RHOU: variants seen among roughly 807,000 people sequenced by gnomAD.
RHOU encodes the protein ras homolog family member U.
A neutral mutation model predicts 12.6 loss-of-function variants in RHOU; 8 were observed. The ratio of observed to expected loss-of-function variants is 0.64; its 90% confidence interval spans 0.37 to 1.15. The LOEUF (loss-of-function observed/expected upper bound fraction) is 1.15. Ranked by LOEUF, RHOU falls within the 50% of genes most tolerant of loss-of-function variation. The pLI, the probability that RHOU is intolerant of heterozygous loss-of-function variation, is 0.01. For missense variants in RHOU, 258 were observed against 347.0 expected (o/e 0.74, Z 2.04); for synonymous variants, 161 against 147.4 (o/e 1.09, Z -0.67).
the RHOU span, among the ~76,000 whole-genome samples, chr1:228,649,552 G>A: frequency 3.3e-5 from 5 of 152,188 alleles, no homozygotes; most frequent in Non-Finnish European, 7.3e-5. Context: ...TCATTTTGAA[G>A]TATTTTGATT....
chr1:228,732,825 G>GA (rs963687157), upstream of RHOU, among the ~76,000 whole-genome samples: 27 of 150,186 alleles, frequency 1.8e-4, no homozygotes, highest in African/African-American at 3.7e-4. Context: ...ACTTCATTAA[G>GA]AAAAAAAAAT....
the RHOU span, among the ~76,000 whole-genome samples, chr1:228,692,427 G>T: frequency 6.6e-6 from 1 of 152,004 alleles, no homozygotes; most frequent in Non-Finnish European, 1.5e-5. Flanking sequence ...GCCATTAAAA[G>T]ATCACAGAAG....
At chr1:228,650,917 A>G in the RHOU span, 37 of 373,636 alleles carry the variant, frequency 9.9e-5, no homozygotes, top group African/African-American at 7.9e-4. Flanking sequence ...TCCTTGTGGA[A>G]GAAGGCCACA....
the RHOU span, among the ~76,000 whole-genome samples, chr1:228,707,259 T>TATATATATATATATATA: frequency 6.7e-5 from 4 of 59,270 alleles, no homozygotes; most frequent in African/African-American, 6.2e-4. Flanking sequence ...ATATATAGTG[T>TATATATATATATATATA]GTGTGTGTGT....
At chr1:228,675,306 T>C in the RHOU span, among the ~76,000 whole-genome samples, 1 of 152,216 alleles carries the variant, frequency 6.6e-6, no homozygotes, top group Non-Finnish European at 1.5e-5. Context: ...CTTGTATTTA[T>C]ACTAGATAAA....
chr1:228,650,321 G>C, the RHOU span: 1 of 465,004 alleles, frequency 2.2e-6, no homozygotes, highest in South Asian at 1.5e-5. Flanking sequence ...ATGGTGCTTG[G>C]CTGCCGGCCC....
the RHOU span, among the ~76,000 whole-genome samples, chr1:228,724,074 C>T: frequency 6.6e-6 from 1 of 152,188 alleles, no homozygotes; most frequent in Non-Finnish European, 1.5e-5. Context: ...CATCCTGGAA[C>T]ATGTTACATC....
the RHOU span, among the ~76,000 whole-genome samples, chr1:228,668,447 C>A: frequency 1.5e-4 from 23 of 152,100 alleles, no homozygotes; most frequent in Non-Finnish European, 2.9e-4. Context: ...TGGGACCAAG[C>A]CTTTAACCTG....
Position 228,735,585 on chromosome 1 carries a change from G to A in RHOU, c.-158G>A. ...GCCACGACCCTCCCTGGCCGCCTTT[G>A]TCTACTGGCCGTGCGGCCCGGAACC... On this transcript the variant is annotated 5_prime_UTR_variant, in exon 1 of 3. Coordinates refer to ENST00000366691, the MANE Select transcript of RHOU (RefSeq NM_021205.6). This position sits in a 1 kb window ranked among gnomAD's most constrained non-coding sequence, Gnocchi z 8.1. The A allele has an allele frequency of 2.1e-6, 1 of 470,658 alleles. No individual in the cohort carries two copies. Among genetic ancestry groups the A allele is most frequent in the East Asian group, 5.0e-5 (1 of 19,924 alleles). 29.2% of individuals were successfully genotyped at this position (470,658 alleles called of 1,614,324 possible). A position where few individuals can be genotyped will look rare whatever the true frequency, so the allele number is the denominator to read the frequency against.
At chr1:228,647,043 G>T in the RHOU span, among the ~76,000 whole-genome samples, 3 of 152,160 alleles carry the variant, frequency 2.0e-5, no homozygotes, top group Non-Finnish European at 4.4e-5. Context: ...GTGAGGAGGA[G>T]GGAGCTAGAG....
At chr1:228,707,563 G>A in the RHOU span, among the ~76,000 whole-genome samples, 7 of 151,778 alleles carry the variant, frequency 4.6e-5, no homozygotes, top group Non-Finnish European at 7.4e-5. Context: ...CACCTCACAC[G>A]GCCGGGTACT....
the RHOU span, among the ~76,000 whole-genome samples, chr1:228,659,712 A>C: frequency 6.6e-6 from 1 of 151,710 alleles, no homozygotes; most frequent in East Asian, 1.9e-4. Flanking sequence ...GGCAGGGTGA[A>C]GTGGCTCACA....
the RHOU span, among the ~76,000 whole-genome samples, chr1:228,721,466 T>C: frequency 6.6e-6 from 1 of 152,226 alleles, no homozygotes; most frequent in Non-Finnish European, 1.5e-5. Context: ...TCATTATTAG[T>C]CAAAGCCAAG....
chr1:228,732,171 C>A (rs1367751933), upstream of RHOU, among the ~76,000 whole-genome samples: 1 of 152,050 alleles, frequency 6.6e-6, no homozygotes, highest in Non-Finnish European at 1.5e-5. Flanking sequence ...ACGTATTTAC[C>A]ACTGCTTAAG....
chr1:228,704,225 A>G, the RHOU span, among the ~76,000 whole-genome samples: 1 of 152,194 alleles, frequency 6.6e-6, no homozygotes, highest in Non-Finnish European at 1.5e-5. Flanking sequence ...TCTTACACAT[A>G]TAGACTGATG....
the RHOU span, among the ~76,000 whole-genome samples, chr1:228,684,309 T>C: frequency 6.7e-6 from 1 of 149,862 alleles, no homozygotes; most frequent in Non-Finnish European, 1.5e-5. Flanking sequence ...TGTGCTGAGA[T>C]TACCCATGTG....
the RHOU span, among the ~76,000 whole-genome samples, chr1:228,713,704 C>T: frequency 6.6e-6 from 1 of 152,188 alleles, no homozygotes; most frequent in East Asian, 1.9e-4. Context: ...ATTAATCAAA[C>T]CCAAGGAGAG....
rs1662838696 is a variant in RHOU, at chr1:228,746,600, G to A, written c.*2860G>A. On this transcript the variant is annotated 3_prime_UTR_variant, in exon 3 of 3. Coordinates refer to ENST00000366691, the MANE Select transcript of RHOU (RefSeq NM_021205.6). ...TCTGTTTTCAAGTGTAAATGATGTT[G>A]AGCAGAATGTTGTACTTGAAAATGC... is the stretch of plus-strand genomic sequence containing the variant. The A allele has an allele frequency of 1.3e-5, 2 of 152,160 alleles. No individual in the cohort carries two copies. The highest frequency in any genetic ancestry group is 4.2e-4 in the South Asian group (2 of 4,816). 9.4% of individuals were successfully genotyped at this position (152,160 alleles called of 1,614,324 possible).
chr1:228,745,292 C>CA lies in RHOU; in HGVS notation c.*1553dup, dbSNP rs1199567773. On this transcript the variant is annotated 3_prime_UTR_variant, in exon 3 of 3. Coordinates refer to ENST00000366691, the MANE Select transcript of RHOU (RefSeq NM_021205.6). Reference sequence around the variant, plus strand: ...ACAAGGCAGCCTGAACACTCAGTTGCAGGGTCGGGCTTGCGGTGGGTGACC... The same window carrying CA: ...ACAAGGCAGCCTGAACACTCAGTTGCAAGGGTCGGGCTTGCGGTGGGTGACC... 6.6e-6 allele frequency: 1 copy of CA among 152,228 alleles called. No individual in the cohort carries two copies. The highest frequency in any genetic ancestry group is 2.4e-5 in the African/African-American group (1 of 41,458). 9.4% of individuals were successfully genotyped at this position (152,228 alleles called of 1,614,324 possible). A position where few individuals can be genotyped will look rare whatever the true frequency, so the allele number is the denominator to read the frequency against.
Sources: allele counts gnomAD v4.1 joint callset (sites outside exome capture counted in the v4.1 genomes callset), GRCh38; gene constraint gnomAD v4.1.1; non-coding constraint Gnocchi (gnomAD v3.1); transcripts MANE v1.5; gene names NCBI Gene and HGNC (gene_info 2026-07-23, HGNC 2026-07-21).